ASPH: variants seen among roughly 807,000 people sequenced by gnomAD.
The protein encoded by ASPH is aspartate beta-hydroxylase.
Under a neutral mutation model 118.4 loss-of-function variants are expected in ASPH, and 100 were observed. The ratio of observed to expected loss-of-function variants is 0.84; its 90% confidence interval spans 0.72 to 1.00. ASPH has a LOEUF of 1.00. Ranked by LOEUF, ASPH falls within the 50% of genes least tolerant of loss-of-function variation. The pLI, the probability that ASPH is intolerant of heterozygous loss-of-function variation, is 0.00. For synonymous variants in ASPH, 315 were observed against 325.6 expected, an observed-to-expected ratio of 0.97 and a Z score of 0.35; for missense variants, 920 against 919.5, an observed-to-expected ratio of 1.00 and a Z score of -0.01.
intron 14 of ASPH, among the ~76,000 whole-genome samples, chr8:61,590,681 C>T (rs1355949316): frequency 2.0e-5 from 3 of 151,890 alleles, no homozygotes; most frequent in African/African-American, 7.3e-5. Flanking sequence ...TTTCCTTGAA[C>T]CAGCTTTTGC....
chr8:61,711,771 C>G (rs553352666), intron 1 of ASPH, among the ~76,000 whole-genome samples: 1 of 152,276 alleles, frequency 6.6e-6, no homozygotes, highest in Non-Finnish European at 1.5e-5. Context: ...TGACCAATGC[C>G]GTCATTTTCT....
chr8:61,676,318 G>T, intron 3 of ASPH: 2 of 1,579,218 alleles, frequency 1.3e-6, no homozygotes, highest in Non-Finnish European at 1.7e-6. Flanking sequence ...CTTTGGTCAG[G>T]CCTACATAAG....
At chr8:61,567,393 A>G (rs988107909) in intron 16 of ASPH, 75 bp from the exon 17 acceptor site, 1 of 1,449,832 alleles carries the variant, frequency 6.9e-7, no homozygotes, top group Non-Finnish European at 9.2e-7. Flanking sequence ...ATTCATAAAA[A>G]GTTAACTTTT....
At chr8:61,634,442 T>C (rs1370121973) in intron 12 of ASPH, among the ~76,000 whole-genome samples, 1 of 152,178 alleles carries the variant, frequency 6.6e-6, no homozygotes, top group Non-Finnish European at 1.5e-5. Flanking sequence ...CAGTATTTTC[T>C]AAAACAGAAA....
intron 3 of ASPH, chr8:61,665,420 A>G (rs765867042): frequency 3.1e-6 from 5 of 1,607,996 alleles, no homozygotes; most frequent in South Asian, 1.1e-5. Context: ...TTCTAGGTCC[A>G]CTTTCTCTTT....
chr8:61,632,988 C>T (rs141287847), intron 13 of ASPH: 1 of 169,650 alleles, frequency 5.9e-6, no homozygotes, highest in Non-Finnish European at 1.3e-5. Context: ...TTTCCAAATC[C>T]TGTTTGATAG....
chr8:61,714,347 T>C lies in ASPH; in HGVS notation c.25A>G (p.Ser9Gly). 6.6e-7 allele frequency: 1 copy of C among 1,518,154 alleles called. No individual in the cohort carries two copies. The highest frequency in any genetic ancestry group is 8.8e-7 in the Non-Finnish European group (1 of 1,133,662). 94.0% of individuals were successfully genotyped at this position (1,518,154 alleles called of 1,614,324 possible). A position where few individuals can be genotyped will look rare whatever the true frequency, so the allele number is the denominator to read the frequency against. Residue 9 changes from serine to glycine, a missense_variant, in exon 1 of 25, where the codon AGC (serine) becomes GGC (glycine). Ser to Gly is a moderately conservative substitution (Grantham distance 56). Transcript: ENST00000379454. The part of the protein sequence containing the change: MAQRKNAK[S>G]SGNSSSSGSG... Reference sequence around the variant, plus strand: ...CCGCTGCTGCTGCTGTTGCCGCTGCTCTTGGCATTCTTACGCTGGGCCATT... The same window carrying C: ...CCGCTGCTGCTGCTGTTGCCGCTGCCCTTGGCATTCTTACGCTGGGCCATT...
intron 15 of ASPH, chr8:61,578,190 G>A (rs1563891554): frequency 3.7e-5 from 58 of 1,549,362 alleles, no homozygotes; most frequent in South Asian, 2.3e-4. Flanking sequence ...CGCCTGGTTC[G>A]GCCCGCCTGC....
chr8:61,515,418 C>T (rs747859986), intron 24 of ASPH, among the ~76,000 whole-genome samples: 22 of 152,150 alleles, frequency 1.4e-4, no homozygotes, highest in Non-Finnish European at 2.9e-4. Context: ...TCCTGGTCTA[C>T]CCGATTTTGC....
chr8:61,643,462 A>C (rs1366945269), intron 8 of ASPH, 29 bp from the exon 9 acceptor site: 1 of 1,593,666 alleles, frequency 6.3e-7, no homozygotes, highest in Non-Finnish European at 8.5e-7. Context: ...CCTTTGCCAA[A>C]CAGGAAAAAA....
At chr8:61,587,404 TGTC>T (rs1470442063) in intron 14 of ASPH, among the ~76,000 whole-genome samples, 3 of 152,346 alleles carry the variant, frequency 2.0e-5, no homozygotes, top group African/African-American at 7.2e-5. Flanking sequence ...TTTGTAGAAG[TGTC>T]TATCAACAGA....
rs1266040315 is a variant in ASPH, at chr8:61,707,236, T to A, written c.103+7033A>T. Among the ~76,000 whole-genome samples the A allele has an allele frequency of 2.7e-5, 4 of 147,380 alleles. No individual in the cohort carries two copies. The East Asian group carries it at 7.8e-4, about 29-fold the overall frequency. Reference sequence around the variant, plus strand: ...TCAAAAATAATCAAAAGGTTCAGGATATTAAAAAAAAAAAATCTACCTATC... The same window carrying A: ...TCAAAAATAATCAAAAGGTTCAGGAAATTAAAAAAAAAAAATCTACCTATC... On this transcript the variant is annotated intron_variant, in intron 1 of 24. Transcript: ENST00000379454.
At position 61,501,734 on chromosome 8, in the gene ASPH, T is replaced by C. The variant is rs1328504280; in HGVS notation, c.*1625A>G. The C allele has an allele frequency of 6.6e-6, 1 of 152,194 alleles. No individual in the cohort carries two copies. Among genetic ancestry groups the C allele is most frequent in the Non-Finnish European group, 1.5e-5 (1 of 68,042 alleles). The allele number at this position is 152,194 out of a possible 1,614,324, so 9.4% of individuals were successfully genotyped here. ...ATCTGATTTAGTGGGATGTTTTCAA[T>C]ACCAGCAAAACAAAAGAACAGGAAA... On this transcript the variant is annotated 3_prime_UTR_variant, in exon 25 of 25. Transcript: ENST00000379454.
chr8:61,578,258 C>G, intron 15 of ASPH: 5 of 1,583,746 alleles, frequency 3.2e-6, no homozygotes, highest in Non-Finnish European at 4.3e-6. Context: ...ACAAGGTGTC[C>G]ACCTCTGGCC....
chr8:61,544,686 T>A (rs1471802661), intron 21 of ASPH, among the ~76,000 whole-genome samples: 2 of 152,086 alleles, frequency 1.3e-5, no homozygotes, highest in Non-Finnish European at 2.9e-5. Context: ...TCTAACATAT[T>A]TATGAAAAAA....
intron 6 of ASPH, among the ~76,000 whole-genome samples, 177 bp from the exon 7 acceptor site, chr8:61,644,809 G>A (rs905877455): frequency 6.6e-6 from 1 of 152,046 alleles, no homozygotes; most frequent in Non-Finnish European, 1.5e-5. Context: ...TACACTGTGG[G>A]ATGTCTCACA....
chr8:61,689,118 C>T (rs1831730879), intron 1 of ASPH, among the ~76,000 whole-genome samples: 1 of 152,114 alleles, frequency 6.6e-6, no homozygotes, highest in South Asian at 2.1e-4. Context: ...ATATACAAAA[C>T]ATTAAATTCA....
At chr8:61,713,657 GGTAAA>G (rs1210546903) in intron 1 of ASPH, among the ~76,000 whole-genome samples, 1 of 152,124 alleles carries the variant, frequency 6.6e-6, no homozygotes, top group African/African-American at 2.4e-5. Context: ...AAGTAAAAGT[GGTAAA>G]AATACAGACG....
At chr8:61,577,421 A>AAAAAAAAAAAAAG (rs1197809235) in intron 15 of ASPH, among the ~76,000 whole-genome samples, 2 of 148,262 alleles carry the variant, frequency 1.3e-5, no homozygotes, top group African/African-American at 2.5e-5. Flanking sequence ...AAAAAAAAAA[A>AAAAAAAAAAAAAG]AAGACAAGAC....
Sources: gnomAD v4.1 joint callset for allele counts (sites outside exome capture counted in the v4.1 genomes callset) on GRCh38, gnomAD v4.1.1 for gene constraint, MANE v1.5 for transcripts, NCBI Gene and HGNC (gene_info 2026-07-23, HGNC 2026-07-21) for gene names.